S100A13: variants seen among roughly 807,000 people sequenced by gnomAD.
S100A13 encodes the protein protein S100-A13.
A neutral mutation model predicts 8.2 loss-of-function variants in S100A13; 6 were observed. The observed-to-expected ratio is 0.73, with a 90% confidence interval of 0.40 to 1.44. The LOEUF is 1.44. S100A13 is among the 40% of genes most tolerant of loss of function. The pLI is 0.02. For missense variants in S100A13, 114 were observed against 113.6 expected, an observed-to-expected ratio of 1.00 and a Z score of -0.02; for synonymous variants, 39 against 45.9, an observed-to-expected ratio of 0.85 and a Z score of 0.61.
At chr1:153,631,565 C>T, upstream of S100A13, 1 of 1,613,926 alleles carries the variant, frequency 6.2e-7, no homozygotes, top group East Asian at 2.2e-5. Context: ...TTGAGGAGGC[C>T]TAGAAGAGTC....
At chr1:153,621,453 G>A (rs368297996) in intron 2 of S100A13, among the ~76,000 whole-genome samples, 14 of 151,486 alleles carry the variant, frequency 9.2e-5, no homozygotes, top group African/African-American at 2.9e-4. Context: ...CACCACGCCC[G>A]GCCTACAGGA....
upstream of S100A13, chr1:153,634,083 T>G (rs1205728225): frequency 2.0e-5 from 3 of 152,802 alleles, no homozygotes; most frequent in Non-Finnish European, 4.4e-5. Context: ...CCATTTTGTT[T>G]TGGACACCGA....
At chr1:153,630,141 A>G, upstream of S100A13, 1 of 350,764 alleles carries the variant, frequency 2.9e-6, no homozygotes, top group East Asian at 4.4e-5. Context: ...AGCCAGAGGA[A>G]GCATGGCCCA....
upstream of S100A13, chr1:153,629,424 C>G (rs1395622576): frequency 6.6e-6 from 1 of 152,268 alleles, no homozygotes; most frequent in Non-Finnish European, 1.5e-5. Context: ...ATTGTCCAGC[C>G]CCCTAGGCCT....
At chr1:153,630,638 G>A (rs759866163), upstream of S100A13, 14 of 1,614,128 alleles carry the variant, frequency 8.7e-6, no homozygotes, top group East Asian at 2.9e-4. Flanking sequence ...AGCTGCTGCA[G>A]ACGGAGCTCT....
At chr1:153,623,386 CTT>C (rs75613554) in intron 2 of S100A13, among the ~76,000 whole-genome samples, 11 of 141,306 alleles carry the variant, frequency 7.8e-5, no homozygotes, top group East Asian at 2.0e-4. Context: ...TTTTCGTTTC[CTT>C]TTTTTTTTTT....
At chr1:153,622,037 G>C (rs982518523) in intron 2 of S100A13, among the ~76,000 whole-genome samples, 6 of 151,810 alleles carry the variant, frequency 4.0e-5, no homozygotes, top group Non-Finnish European at 8.8e-5. Context: ...CATATAAACT[G>C]GTACAACTTT....
At chr1:153,624,820 A>C (rs1667503557) in intron 2 of S100A13, among the ~76,000 whole-genome samples, 2 of 152,124 alleles carry the variant, frequency 1.3e-5, no homozygotes, top group Admixed American at 6.5e-5. Context: ...CACGCCTGTA[A>C]TTCCAGCACT....
chr1:153,633,294 C>T (rs367787891), upstream of S100A13: 2 of 152,186 alleles, frequency 1.3e-5, no homozygotes, highest in East Asian at 3.9e-4. Flanking sequence ...CTGCAGTGAT[C>T]CGTGATTCAT....
In S100A13 at chr1:153,618,955, CA is replaced by C; in HGVS notation, c.236del (p.Leu79Ter). 1.9e-6 allele frequency: 3 copies of C among 1,614,048 alleles called. No homozygotes were observed. In the South Asian group the frequency reaches 3.3e-5, roughly 18 times the overall value. On this transcript the variant is annotated frameshift_variant, in exon 3 of 3. Coordinates refer to ENST00000476133, the MANE Select transcript of S100A13 (RefSeq NM_001024211.2). LOFTEE classifies it high-confidence loss of function. ...SELKFNEYWR[L>X]IGELAKEIRK... Reference sequence around the variant, plus strand: ...TGATTTCCTTGGCCAGCTCCCCAATCAATCTCCAGTACTCATTGAACTTGAG... The same window carrying C: ...TGATTTCCTTGGCCAGCTCCCCAATCATCTCCAGTACTCATTGAACTTGAG...
Position 153,625,306 on chromosome 1 carries a change from T to A in S100A13, c.153+1014A>T, listed in dbSNP as rs1384189892. On this transcript the variant is annotated intron_variant, in intron 2 of 2. Transcript: ENST00000476133. ...GACCATGAGTTTCAGAGACTCACTG[T>A]GTTCAAGGAGTCCATATTCACACAC... Among the ~76,000 whole-genome samples the A allele has an allele frequency of 1.3e-5, 2 of 152,348 alleles. 1 individual carries two copies. Among genetic ancestry groups the A allele is most frequent in the South Asian group, 4.1e-4 (2 of 4,828 alleles).
In S100A13 at chr1:153,618,805, T is replaced by G. The variant is rs957446769; in HGVS notation, c.*90A>C. The stretch of plus-strand genomic sequence containing the variant: ...GGGGTGTAAGTAAGAAACATTTGTG[T>G]TTCAAGGAGGAAGCTTTATTTGGGA... On this transcript the variant is annotated 3_prime_UTR_variant, in exon 3 of 3. Coordinates refer to ENST00000476133, the MANE Select transcript of S100A13 (RefSeq NM_001024211.2). 1.6e-6 allele frequency: 2 copies of G among 1,270,606 alleles called. No individual in the cohort carries two copies. Among genetic ancestry groups the G allele is most frequent in the African/African-American group, 3.0e-5 (2 of 67,098 alleles). 78.7% of individuals were successfully genotyped at this position (1,270,606 alleles called of 1,614,324 possible).
chr1:153,631,669 A>G (rs751459782), upstream of S100A13: 3 of 1,613,082 alleles, frequency 1.9e-6, no homozygotes, highest in Non-Finnish European at 2.5e-6. Context: ...TTCCCTATAC[A>G]CCTCCCTCTT....
upstream of S100A13, chr1:153,628,668 G>A (rs1667820123): frequency 8.8e-7 from 1 of 1,140,708 alleles, no homozygotes; most frequent in African/African-American, 1.6e-5. Flanking sequence ...GGTTTGGAAG[G>A]TGGTGATGAG....
chr1:153,619,319 C>T (rs1053019544), intron 2 of S100A13, among the ~76,000 whole-genome samples: 4 of 152,132 alleles, frequency 2.6e-5, no homozygotes, highest in Non-Finnish European at 5.9e-5. Context: ...AACAGGTTGT[C>T]GCTGAATACA....
chr1:153,628,736 G>C, upstream of S100A13: 1 of 666,670 alleles, frequency 1.5e-6, no homozygotes, highest in Non-Finnish European at 2.3e-6. Context: ...GAGGAAGCCA[G>C]TGGGGAACCC....
intron 2 of S100A13, among the ~76,000 whole-genome samples, chr1:153,619,616 T>A (rs1357482098): frequency 6.6e-6 from 1 of 152,130 alleles, no homozygotes; most frequent in African/African-American, 2.4e-5. Context: ...TGACAGGGTA[T>A]CTCTCATAGG....
upstream of S100A13, chr1:153,630,534 C>G (rs781352690): frequency 1.2e-6 from 2 of 1,614,206 alleles, no homozygotes; most frequent in East Asian, 2.2e-5. Context: ...GGGCTCTGAG[C>G]TGGAGACGGC....
rs202195411 is a variant in S100A13 at position 153,626,330 on chromosome 1, T to G, written c.143A>C (p.His48Pro). 1.2e-6 allele frequency: 2 copies of G among 1,614,160 alleles called. No individual in the cohort carries two copies. The highest frequency in any genetic ancestry group is 1.3e-5 in the African/African-American group (1 of 75,048). Residue 48 changes from histidine to proline, a missense_variant, in exon 2 of 3, where the codon CAT becomes CCT. Transcript: ENST00000476133. The stretch of plus-strand genomic sequence containing the variant: ...CAGACTTCTGCCTACCTTGAGCAGA[T>G]GGGGCAACTGCTGGGTAACCAGCTC... Reference protein sequence around the residue: ...FKELVTQQLPHLLKDVGSLDE... With the variant: ...FKELVTQQLPPLLKDVGSLDE...
Sources: gnomAD v4.1 joint callset for allele counts (sites outside exome capture counted in the v4.1 genomes callset) on GRCh38, gnomAD v4.1.1 for gene constraint, MANE v1.5 for transcripts, NCBI Gene and HGNC (gene_info 2026-07-23, HGNC 2026-07-21) for gene names.